The following SLC9A8 variants were observed in gnomAD, a reference collection of about 807,000 sequenced individuals.
The protein encoded by SLC9A8 is solute carrier family 9 member A8, also known as sodium/hydrogen exchanger 8.
Under a neutral mutation model 66.6 loss-of-function variants are expected in SLC9A8, and 48 were observed. The ratio of observed to expected loss-of-function variants is 0.72; its 90% CI spans 0.57 to 0.92. The LOEUF (loss-of-function observed/expected upper bound fraction) is 0.92. SLC9A8 is among the 40% of genes least tolerant of loss of function. The pLI is 0.00. For missense variants in SLC9A8, 599 were observed against 747.3 expected (o/e 0.80, Z 2.31); for synonymous variants, 274 against 282.6 (o/e 0.97, Z 0.31).
At chr20:49,844,904 T>C (rs1600707427) in intron 4 of SLC9A8, 132 bp from the exon 5 acceptor site, 1 of 473,810 alleles carries the variant, frequency 2.1e-6, no homozygotes, top group East Asian at 3.5e-5. Context: ...TATTATCAGG[T>C]AGTTATTTAA....
Position 49,812,920 on chromosome 20 carries a change from A to G in SLC9A8, c.-3A>G, listed in dbSNP as rs2086401018. ...AACTCGGTGGTCCTGGAAGCTCCGC[A>G]GGATGGGGGAGAAGATGGCGGAAGA... On this transcript the variant is annotated 5_prime_UTR_variant, in exon 1 of 16. Coordinates refer to ENST00000361573, the MANE Select transcript of SLC9A8 (RefSeq NM_015266.3). 2 of 1,485,350 alleles carry G rather than the reference A, an allele frequency of 1.3e-6. No individual in the cohort carries two copies. The highest frequency in any genetic ancestry group is 5.8e-5 in the East Asian group (2 of 34,372). 92.0% of individuals were successfully genotyped at this position (1,485,350 alleles called of 1,614,324 possible).
At chr20:49,871,238 C>T (rs1026071035) in intron 10 of SLC9A8, among the ~76,000 whole-genome samples, 2 of 152,166 alleles carry the variant, frequency 1.3e-5, no homozygotes, top group Non-Finnish European at 2.9e-5. Flanking sequence ...TTATATTTTA[C>T]ATACAGTAAG....
chr20:49,884,729 C>T (rs1470747938), intron 14 of SLC9A8, among the ~76,000 whole-genome samples: 3 of 152,112 alleles, frequency 2.0e-5, no homozygotes, highest in South Asian at 4.1e-4. Flanking sequence ...GTACCCAGGC[C>T]CCAGCTGTAG....
intron 7 of SLC9A8, among the ~76,000 whole-genome samples, chr20:49,853,422 G>A (rs867484119): frequency 2.6e-5 from 4 of 152,308 alleles, no homozygotes; most frequent in Non-Finnish European, 4.4e-5. Context: ...GATTACAGGC[G>A]TGAGCCACTG....
At chr20:49,874,297 C>A (rs1418475612) in intron 10 of SLC9A8, among the ~76,000 whole-genome samples, 1 of 152,038 alleles carries the variant, frequency 6.6e-6, no homozygotes, top group African/African-American at 2.4e-5. Context: ...TGCAGTGGGC[C>A]CTCAATAGCC....
chr20:49,883,802 C>T (rs200104790), intron 13 of SLC9A8, 44 bp from the exon 14 acceptor site: 3 of 1,515,590 alleles, frequency 2.0e-6, no homozygotes. Flanking sequence ...CATGAAGCTG[C>T]TGCCTCTTCA....
intron 8 of SLC9A8, among the ~76,000 whole-genome samples, chr20:49,860,081 T>C (rs2088672114): frequency 6.6e-6 from 1 of 152,206 alleles, no homozygotes; most frequent in South Asian, 2.1e-4. Flanking sequence ...GTGGTAGTGA[T>C]GTGGGCTGAG....
chr20:49,881,998 A>C (rs915496213), intron 13 of SLC9A8, among the ~76,000 whole-genome samples: 1 of 151,964 alleles, frequency 6.6e-6, no homozygotes, highest in African/African-American at 2.4e-5. Context: ...GTTCTCTCCC[A>C]GGCTCCCCGG....
intron 9 of SLC9A8, among the ~76,000 whole-genome samples, 161 bp downstream of exon 9, chr20:49,863,228 C>T (rs1253706142): frequency 6.6e-6 from 1 of 152,124 alleles, no homozygotes; most frequent in East Asian, 1.9e-4. Flanking sequence ...CACTCTAACT[C>T]AAGGATTTTT....
chr20:49,883,822 C>G (rs2089719104), intron 13 of SLC9A8, 24 bp from the exon 14 acceptor site: 1 of 1,589,070 alleles, frequency 6.3e-7, no homozygotes, highest in Admixed American at 1.7e-5. Context: ...ACTGTGTCCT[C>G]TCACACTGTT....
At chr20:49,837,413 T>G (rs1302655883) in intron 3 of SLC9A8, among the ~76,000 whole-genome samples, 1 of 152,166 alleles carries the variant, frequency 6.6e-6, no homozygotes, top group Non-Finnish European at 1.5e-5. Context: ...TACATAACCA[T>G]CCTAGTAGGT....
intron 3 of SLC9A8, among the ~76,000 whole-genome samples, chr20:49,833,775 C>A (rs73123868): frequency 0.079 from 11,987 of 152,122 alleles, 502 homozygotes; most frequent in African/African-American, 0.1. Context: ...AGTGACAAAT[C>A]CTGAAAGAAG....
At position 49,813,797 on chromosome 20, in the gene SLC9A8, C is replaced by G. The variant is rs141080675; in HGVS notation, c.26+849C>G. Among the ~76,000 whole-genome samples the G allele has an allele frequency of 9.3e-4, 141 of 152,320 alleles. 1 individual carries two copies. Among genetic ancestry groups the G allele is most frequent in the Middle Eastern group, 3.4e-3 (1 of 294 alleles). On this transcript the variant is annotated intron_variant, in intron 1 of 15. Coordinates refer to ENST00000361573, the MANE Select transcript of SLC9A8 (RefSeq NM_015266.3). ...ATAACATCAGGTTCAAAAGGCCTGG[C>G]TCAAGAAAGAGTTTAGTGCTTTTGA...
At chr20:49,843,360 A>C (rs1430041282) in intron 4 of SLC9A8, among the ~76,000 whole-genome samples, 1 of 152,132 alleles carries the variant, frequency 6.6e-6, no homozygotes, top group East Asian at 1.9e-4. Flanking sequence ...CTGCTATTTT[A>C]AGACTTAATA....
chr20:49,847,457 A>G (rs755562423), intron 5 of SLC9A8, among the ~76,000 whole-genome samples: 62 of 150,356 alleles, frequency 4.1e-4, no homozygotes, highest in Non-Finnish European at 6.1e-4. Context: ...TTAGAGAAAC[A>G]TTTTGTTGAA....
chr20:49,849,708 GAA>G lies in SLC9A8; in HGVS notation c.534+30_534+31del, dbSNP rs1398820278. The G allele has an allele frequency of 2.6e-6, 4 of 1,536,808 alleles. No homozygotes were observed. The South Asian group carries it at 4.5e-5, about 17-fold the overall frequency. On this transcript the variant is annotated intron_variant, in intron 6 of 15. Coordinates refer to ENST00000361573, the MANE Select transcript of SLC9A8 (RefSeq NM_015266.3). Reference sequence around the variant, plus strand: ...AAGAAAATCATCTTTGAAACACTTTGAAAGTCTTACATTCTTAGAGCTAGTGC... The same window carrying G: ...AAGAAAATCATCTTTGAAACACTTTGAGTCTTACATTCTTAGAGCTAGTGC...
intron 10 of SLC9A8, among the ~76,000 whole-genome samples, chr20:49,868,679 T>C (rs939752173): frequency 2.0e-5 from 3 of 152,208 alleles, no homozygotes; most frequent in Middle Eastern, 3.2e-3. Flanking sequence ...CCACCTCTTA[T>C]TGGCTGTGTA....
At chr20:49,840,345 T>A (rs1208941317) in intron 4 of SLC9A8, among the ~76,000 whole-genome samples, 1 of 152,156 alleles carries the variant, frequency 6.6e-6, no homozygotes, top group Non-Finnish European at 1.5e-5. Flanking sequence ...TAGGGCGAGA[T>A]TAACAAGTAT....
intron 5 of SLC9A8, among the ~76,000 whole-genome samples, 172 bp from the exon 6 acceptor site, chr20:49,849,406 GT>G (rs149461336): frequency 0.018 from 2,749 of 152,272 alleles, 44 homozygotes; most frequent in Middle Eastern, 0.058. Context: ...GGACACTGCA[GT>G]AAGTGCGGGG....
Sources: gnomAD v4.1 joint callset for allele counts (sites outside exome capture counted in the v4.1 genomes callset) on GRCh38, gnomAD v4.1.1 for gene constraint, MANE v1.5 for transcripts, NCBI Gene and HGNC (gene_info 2026-07-23, HGNC 2026-07-21) for gene names.